Variants in STK17B observed in about 807,000 individuals in gnomAD.
STK17B encodes serine/threonine kinase 17b.
STK17B carries 21 observed loss-of-function variants against 42.0 expected under a neutral mutation model. The observed-to-expected ratio is 0.50, with a 90% confidence interval of 0.35 to 0.72. The LOEUF is 0.72. Among genes scored for constraint, STK17B ranks in the 30% least tolerant of loss-of-function variants. The pLI is 0.00. For synonymous variants in STK17B, 143 were observed against 148.4 expected (o/e 0.96, Z 0.26); for missense variants, 349 against 446.0 (o/e 0.78, Z 1.96).
At chr2:196,173,863 A>T (rs1699975095), upstream of STK17B, among the ~76,000 whole-genome samples, 1 of 152,172 alleles carries the variant, frequency 6.6e-6, no homozygotes, top group South Asian at 2.1e-4. Flanking sequence ...AGGAACTCAG[A>T]GTATGACCGT....
chr2:196,167,394 T>C (rs541635383), intron 1 of STK17B, among the ~76,000 whole-genome samples: 8 of 152,280 alleles, frequency 5.3e-5, no homozygotes, highest in South Asian at 4.1e-4. Flanking sequence ...TTATGAGATA[T>C]AGAAAAAAGA....
chr2:196,156,645 T>C lies in STK17B; in HGVS notation c.129A>G (p.Lys43=). Residue 43 remains lysine (K), a synonymous_variant, in exon 3 of 8, where the codon AAA becomes AAG. Coordinates refer to ENST00000263955, the MANE Select transcript of STK17B (RefSeq NM_004226.4). ...ILTSKELGRG[K]FAVVRQCISK... is the part of the protein sequence containing the mutation. ...ATATACATTGTCTAACCACAGCAAA[T>C]TTTCCTCTGGGGGAAGATGAGAACA... The C allele has an allele frequency of 6.2e-7, 1 of 1,610,894 alleles. No individual in the cohort carries two copies.
chr2:196,172,587 A>G (rs1699961468), upstream of STK17B, among the ~76,000 whole-genome samples: 1 of 152,222 alleles, frequency 6.6e-6, no homozygotes, highest in Admixed American at 6.5e-5. Flanking sequence ...TAAGCCAAGC[A>G]AATTCCTGTG....
intron 1 of STK17B, among the ~76,000 whole-genome samples, chr2:196,168,239 T>C (rs1699894843): frequency 6.6e-6 from 1 of 152,184 alleles, no homozygotes. Context: ...TGTCAGGCAA[T>C]GACTCCTAGG....
rs997314224 is a variant in STK17B, at chr2:196,164,947, T to C, written c.-44-1520A>G. ...GGAGTCAAAGGGTTGTAGTGTAGCA[T>C]TCTGAGAATAACCTTTAGACTGAAA... is the stretch of plus-strand genomic sequence containing the variant. On this transcript the variant is annotated intron_variant, in intron 1 of 7. Coordinates refer to ENST00000263955, the MANE Select transcript of STK17B (RefSeq NM_004226.4). Among the ~76,000 whole-genome samples the C allele has an allele frequency of 5.9e-5, 9 of 152,328 alleles. No homozygotes were observed. In the East Asian group the frequency reaches 1.7e-3, roughly 29 times the overall value.
intron 4 of STK17B, among the ~76,000 whole-genome samples, chr2:196,144,264 G>A (rs1185784897): frequency 6.6e-6 from 1 of 151,718 alleles, no homozygotes; most frequent in Non-Finnish European, 1.5e-5. Context: ...GCTGAGGTAG[G>A]CAGATCACGA....
chr2:196,144,486 CAAAAAAAAAAAAAAAAAAAA>C (rs869118381), intron 4 of STK17B, among the ~76,000 whole-genome samples: 58 of 55,956 alleles, frequency 1.0e-3, no homozygotes, highest in African/African-American at 3.5e-3. Flanking sequence ...GACTCTGTCT[CAAAAAAAAAAAAAAAAAAAA>C]AAAAAAAAAA....
In STK17B at chr2:196,163,283, A is replaced by G; in HGVS notation, c.101T>C (p.Leu34Pro). 1 of 1,608,758 alleles carries G rather than the reference A, an allele frequency of 6.2e-7. No individual in the cohort carries two copies. The highest frequency in any genetic ancestry group is 8.5e-7 in the Non-Finnish European group (1 of 1,178,546). Residue 34 changes from leucine to proline, a missense_variant, in exon 2 of 8, where the codon CTT (leucine) becomes CCT (proline). Coordinates refer to ENST00000263955, the MANE Select transcript of STK17B (RefSeq NM_004226.4). ...KMENFNNFYILTSKELGRGKF... is the reference protein window; with the variant it reads ...KMENFNNFYIPTSKELGRGKF... ...TTACCTCCCTAGCTCTTTAGATGTAAGTATATAGAAATTATTAAAGTTTTC... is the reference window on the plus strand; with the variant it reads ...TTACCTCCCTAGCTCTTTAGATGTAGGTATATAGAAATTATTAAAGTTTTC...
chr2:196,172,658 C>A (rs1699962246), upstream of STK17B, among the ~76,000 whole-genome samples: 1 of 152,208 alleles, frequency 6.6e-6, no homozygotes, highest in African/African-American at 2.4e-5. Flanking sequence ...GAATGCATCA[C>A]AGCCCTTTTA....
At chr2:196,155,825 G>A (rs900946131) in intron 3 of STK17B, among the ~76,000 whole-genome samples, 5 of 152,130 alleles carry the variant, frequency 3.3e-5, no homozygotes, top group African/African-American at 9.7e-5. Flanking sequence ...CTACCACCTG[G>A]TGAACTGTAG....
chr2:196,162,782 T>C (rs1047934358), intron 2 of STK17B, among the ~76,000 whole-genome samples: 1 of 151,798 alleles, frequency 6.6e-6, no homozygotes, highest in Admixed American at 6.6e-5. Context: ...CCCAGCTACT[T>C]AGGAGGCTGA....
chr2:196,165,429 T>G (rs1295044509), intron 1 of STK17B, among the ~76,000 whole-genome samples: 2 of 152,248 alleles, frequency 1.3e-5, no homozygotes, highest in African/African-American at 4.8e-5. Context: ...AGGAACACTA[T>G]ATACAAACAT....
intron 1 of STK17B, among the ~76,000 whole-genome samples, chr2:196,165,409 A>G (rs1163083881): frequency 1.3e-5 from 2 of 152,350 alleles, no homozygotes; most frequent in Admixed American, 1.3e-4. Context: ...AATATTTCAA[A>G]TGTAAGATAA....
chr2:196,144,751 G>A (rs920250294), intron 4 of STK17B, among the ~76,000 whole-genome samples: 3 of 151,968 alleles, frequency 2.0e-5, no homozygotes, highest in Non-Finnish European at 2.9e-5. Flanking sequence ...GCAGGCCCAC[G>A]GCCTATTACA....
intron 2 of STK17B, 40 bp from the exon 3 acceptor site, chr2:196,156,691 A>G: frequency 6.6e-7 from 1 of 1,506,688 alleles, no homozygotes; most frequent in Non-Finnish European, 9.1e-7. Flanking sequence ...ATTTTTCTGC[A>G]GAGAACAACG....
intron 2 of STK17B, among the ~76,000 whole-genome samples, chr2:196,160,872 T>C (rs559794679): frequency 7.2e-5 from 11 of 152,342 alleles, no homozygotes; most frequent in Non-Finnish European, 8.8e-5. Context: ...ACTTTATTTA[T>C]GGTGGCACCT....
chr2:196,160,378 T>C (rs1699795186), intron 2 of STK17B, among the ~76,000 whole-genome samples: 1 of 152,170 alleles, frequency 6.6e-6, no homozygotes. Context: ...TTACCCAACA[T>C]GTTAAAAAAC....
intron 3 of STK17B, among the ~76,000 whole-genome samples, chr2:196,152,657 C>T (rs1201176774): frequency 6.6e-6 from 1 of 152,112 alleles, no homozygotes; most frequent in Non-Finnish European, 1.5e-5. Flanking sequence ...TGCCTATGAA[C>T]TAATGTAGAA....
intron 6 of STK17B, 134 bp from the exon 7 acceptor site, chr2:196,139,933 G>A (rs1699469724): frequency 7.2e-6 from 4 of 557,542 alleles, no homozygotes; most frequent in Non-Finnish European, 8.2e-6. Flanking sequence ...GCTTTTCAAA[G>A]TTCCTATATT....
Sources: allele counts gnomAD v4.1 joint callset (sites outside exome capture counted in the v4.1 genomes callset), GRCh38; gene constraint gnomAD v4.1.1; transcripts MANE v1.5; gene names NCBI Gene and HGNC (gene_info 2026-07-23, HGNC 2026-07-21).